FAM107B: variants seen among roughly 807,000 people sequenced by gnomAD.
FAM107B encodes the protein family with sequence similarity 107 member B, also known as protein FAM107B.
A neutral mutation model predicts 31.5 loss-of-function variants in FAM107B; 21 were observed. The observed-to-expected ratio is 0.67, with a 90% CI of 0.47 to 0.96. The LOEUF is 0.96. FAM107B is among the 40% of genes least tolerant of loss of function. The pLI is 0.00. For synonymous variants in FAM107B, 157 were observed against 141.5 expected, an observed-to-expected ratio of 1.11 and a Z score of -0.78; for missense variants, 452 against 377.1, an observed-to-expected ratio of 1.20 and a Z score of -1.64.
intron 2 of FAM107B, among the ~76,000 whole-genome samples, chr10:14,590,701 G>C (rs1851986429): frequency 6.6e-6 from 1 of 152,172 alleles, no homozygotes; most frequent in African/African-American, 2.4e-5. Context: ...CCATTTCTCA[G>C]CCAGGCGTAG....
At chr10:14,673,083 C>G (rs1378327869) in intron 1 of FAM107B, among the ~76,000 whole-genome samples, 1 of 152,128 alleles carries the variant, frequency 6.6e-6, no homozygotes, top group African/African-American at 2.4e-5. Flanking sequence ...ATGAGCAAAG[C>G]AGGGTAATTA....
chr10:14,746,911 G>A (rs538024335), intron 1 of FAM107B, among the ~76,000 whole-genome samples: 109 of 152,190 alleles, frequency 7.2e-4, no homozygotes, highest in African/African-American at 2.3e-3. Flanking sequence ...TATTCTCCCC[G>A]TCTCTTTCAA....
At chr10:14,550,325 C>A (rs74122818) in intron 2 of FAM107B, among the ~76,000 whole-genome samples, 31,890 of 152,222 alleles carry the variant, frequency 0.21, 3,482 homozygotes, top group East Asian at 0.4. Flanking sequence ...TCTGTGAGAA[C>A]AACCACCACC....
At chr10:14,562,078 G>A (rs1253539651) in intron 2 of FAM107B, among the ~76,000 whole-genome samples, 1 of 152,172 alleles carries the variant, frequency 6.6e-6, no homozygotes. Context: ...GAGCCACTAC[G>A]CCCGGCCTTA....
At position 14,603,934 on chromosome 10, in the gene FAM107B, G is replaced by C. The variant is rs565830365; in HGVS notation, c.469+63700C>G. Among the ~76,000 whole-genome samples, 1,028 of 150,192 alleles carry C rather than the reference G, an allele frequency of 6.8e-3. 15 individuals carry two copies. The highest frequency in any genetic ancestry group is 0.024 in the African/African-American group (993 of 41,298). Reference sequence around the variant, plus strand: ...CGCCGGGTAGGGCTCCCCCGCGGCAGCGCCGAGAAGGCAACAATGAGCCGG... The same window carrying C: ...CGCCGGGTAGGGCTCCCCCGCGGCACCGCCGAGAAGGCAACAATGAGCCGG... On this transcript the variant is annotated intron_variant, in intron 2 of 4. Coordinates refer to ENST00000181796, the MANE Select transcript of FAM107B (RefSeq NM_031453.4).
intron 2 of FAM107B, among the ~76,000 whole-genome samples, chr10:14,625,747 A>G (rs1057111512): frequency 1.3e-5 from 2 of 152,096 alleles, no homozygotes; most frequent in African/African-American, 4.8e-5. Flanking sequence ...TTAGAAGGAA[A>G]AAAAAAGTGG....
chr10:14,667,545 C>G (rs1854435295), intron 2 of FAM107B, 89 bp downstream of exon 2: 7 of 1,341,892 alleles, frequency 5.2e-6, no homozygotes, highest in Non-Finnish European at 7.3e-6. Flanking sequence ...TACAGGTTTT[C>G]CTTTGCAATC....
intron 2 of FAM107B, among the ~76,000 whole-genome samples, chr10:14,647,728 T>C (rs1374278086): frequency 2.0e-5 from 3 of 150,846 alleles, no homozygotes; most frequent in African/African-American, 4.9e-5. Flanking sequence ...AACAGTAATA[T>C]GGATTGCTGT....
At chr10:14,594,581 C>T (rs969492667) in intron 2 of FAM107B, among the ~76,000 whole-genome samples, 1 of 151,556 alleles carries the variant, frequency 6.6e-6, no homozygotes, top group African/African-American at 2.4e-5. Flanking sequence ...TGTGAGGCTA[C>T]GAAGACACAA....
chr10:14,758,985 C>T (rs1214752549), intron 1 of FAM107B, among the ~76,000 whole-genome samples: 1 of 151,220 alleles, frequency 6.6e-6, no homozygotes, highest in Non-Finnish European at 1.5e-5. Flanking sequence ...TCGAGACCAG[C>T]CTGACCAACA....
At chr10:14,708,843 C>T (rs905533310) in intron 1 of FAM107B, among the ~76,000 whole-genome samples, 1 of 151,704 alleles carries the variant, frequency 6.6e-6, no homozygotes, top group Non-Finnish European at 1.5e-5. Context: ...ATACACTTCA[C>T]CAAAGAAAAT....
chr10:14,765,059 C>A (rs1031043470), intron 1 of FAM107B, among the ~76,000 whole-genome samples: 1 of 152,314 alleles, frequency 6.6e-6, no homozygotes. Context: ...CTCTGACAAG[C>A]TGGAAATAAG....
chr10:14,686,659 G>A (rs1023927580), intron 1 of FAM107B, among the ~76,000 whole-genome samples: 2 of 152,220 alleles, frequency 1.3e-5, no homozygotes, highest in African/African-American at 4.8e-5. Context: ...AAGTGAAGCT[G>A]TAAGTTTAGA....
chr10:14,567,690 A>G (rs1458520274), intron 2 of FAM107B, among the ~76,000 whole-genome samples: 1 of 152,208 alleles, frequency 6.6e-6, no homozygotes, highest in Non-Finnish European at 1.5e-5. Flanking sequence ...GCAGAGGCAA[A>G]GTCCAGCAGG....
intron 1 of FAM107B, among the ~76,000 whole-genome samples, chr10:14,690,220 G>A (rs1445253260): frequency 4.6e-5 from 7 of 152,190 alleles, no homozygotes; most frequent in Non-Finnish European, 8.8e-5. Context: ...AAGTGACGGA[G>A]GAGAGTGAGG....
At chr10:14,542,130 C>T (rs552752549) in intron 2 of FAM107B, among the ~76,000 whole-genome samples, 1 of 152,060 alleles carries the variant, frequency 6.6e-6, no homozygotes, top group African/African-American at 2.4e-5. Flanking sequence ...ATGAGCCAGG[C>T]ATCGTGGTGC....
rs1219406010 is a variant in FAM107B, at chr10:14,520,692, A to G, written c.*498T>C. ...ACAGGGGTGAAAGTATAAATTAAACAAGACAATTCTGGGTCCTCAAAATTT... is the reference window on the plus strand; with the variant it reads ...ACAGGGGTGAAAGTATAAATTAAACGAGACAATTCTGGGTCCTCAAAATTT... On this transcript the variant is annotated 3_prime_UTR_variant, in exon 5 of 5. Coordinates refer to ENST00000181796, the MANE Select transcript of FAM107B (RefSeq NM_031453.4). 3 of 152,456 alleles carry G rather than the reference A, an allele frequency of 2.0e-5. No homozygotes were observed. Among genetic ancestry groups the G allele is most frequent in the African/African-American group, 7.2e-5 (3 of 41,468 alleles). The allele number at this position is 152,456 out of a possible 1,614,324, so 9.4% of individuals were successfully genotyped here. A position where few individuals can be genotyped will look rare whatever the true frequency, so the allele number is the denominator to read the frequency against.
intron 1 of FAM107B, among the ~76,000 whole-genome samples, chr10:14,672,472 A>T (rs1479304511): frequency 6.6e-6 from 1 of 152,266 alleles, no homozygotes; most frequent in Non-Finnish European, 1.5e-5. Context: ...TGTCAAACAA[A>T]TGGACTTTTC....
At chr10:14,577,798 T>C (rs562063524) in intron 2 of FAM107B, among the ~76,000 whole-genome samples, 26 of 152,308 alleles carry the variant, frequency 1.7e-4, no homozygotes, top group African/African-American at 6.3e-4. Context: ...ACAAAAGTAT[T>C]TACTTATAAT....
Sources: gnomAD v4.1 joint callset for allele counts (sites outside exome capture counted in the v4.1 genomes callset) on GRCh38, gnomAD v4.1.1 for gene constraint, MANE v1.5 for transcripts, NCBI Gene and HGNC (gene_info 2026-07-23, HGNC 2026-07-21) for gene names.